GPHN: variants seen among roughly 807,000 people sequenced by gnomAD.
GPHN encodes the protein gephyrin.
Under a neutral mutation model 95.5 loss-of-function variants are expected in GPHN, and 17 were observed. The observed-to-expected ratio is 0.18, with a 90% CI of 0.12 to 0.27. GPHN has a LOEUF of 0.27. GPHN is among the 10% of genes least tolerant of loss of function. GPHN has a pLI of 1.00. For missense variants in GPHN, 660 were observed against 978.1 expected, an observed-to-expected ratio of 0.67 and a Z score of 4.34; for synonymous variants, 320 against 322.5, an observed-to-expected ratio of 0.99 and a Z score of 0.08.
the GPHN span, chr14:67,727,223 G>A: frequency 2.5e-6 from 4 of 1,570,046 alleles, no homozygotes; most frequent in Non-Finnish European, 3.5e-6. Flanking sequence ...AGCAAAAATG[G>A]TCCTCAGACC....
chr14:66,932,444 G>GTTTTT (rs35159325), intron 8 of GPHN, among the ~76,000 whole-genome samples: 510 of 24,378 alleles, frequency 0.021, 175 homozygotes, highest in Middle Eastern at 0.062. Flanking sequence ...CCAAGACCAG[G>GTTTTT]TTTTTTTTTT....
chr14:67,705,537 C>T, the GPHN span, among the ~76,000 whole-genome samples: 2 of 152,252 alleles, frequency 1.3e-5, no homozygotes, highest in South Asian at 2.1e-4. Context: ...CAACTAAATG[C>T]AATGTGGGGT....
chr14:66,757,508 G>A (rs2153451064), intron 2 of GPHN, among the ~76,000 whole-genome samples: 1 of 152,252 alleles, frequency 6.6e-6, no homozygotes, highest in South Asian at 2.1e-4. Context: ...TCCTGCCTTA[G>A]CCTCCCGAGT....
chr14:67,674,827 A>C, the GPHN span: 2 of 199,750 alleles, frequency 1.0e-5, no homozygotes, highest in Non-Finnish European at 1.0e-5. Context: ...GCCGCAGCGA[A>C]AGGGGCCTAG....
At chr14:67,526,807 T>C in the GPHN span, among the ~76,000 whole-genome samples, 1 of 151,960 alleles carries the variant, frequency 6.6e-6, no homozygotes, top group Non-Finnish European at 1.5e-5. Context: ...CTGGCAGTCA[T>C]GTCCAGGGCT....
chr14:67,659,882 G>C, the GPHN span: 2 of 1,614,078 alleles, frequency 1.2e-6, no homozygotes, highest in African/African-American at 1.3e-5. Flanking sequence ...GTTTCGGAAA[G>C]ACAGGGGTGC....
the GPHN span, among the ~76,000 whole-genome samples, chr14:67,252,254 A>G: frequency 6.6e-4 from 101 of 152,202 alleles, no homozygotes; most frequent in Non-Finnish European, 3.1e-4. Context: ...CAGTGGCATG[A>G]TCATAGCTCA....
At chr14:67,344,021 G>A in the GPHN span, among the ~76,000 whole-genome samples, 1,043 of 152,258 alleles carry the variant, frequency 6.9e-3, 18 homozygotes, top group African/African-American at 0.024. Flanking sequence ...CCCTGAGTAA[G>A]GAAATCTTAA....
At chr14:66,713,305 TTTTGTGTAAGG>T (rs2069845577) in intron 2 of GPHN, among the ~76,000 whole-genome samples, 3 of 152,216 alleles carry the variant, frequency 2.0e-5, no homozygotes, top group Admixed American at 1.3e-4. Context: ...TTGATTTGAT[TTTTGTGTAAGG>T]TGAGAGATGA....
At chr14:66,722,406 A>G (rs1461584515) in intron 2 of GPHN, among the ~76,000 whole-genome samples, 3 of 151,674 alleles carry the variant, frequency 2.0e-5, no homozygotes, top group Non-Finnish European at 2.9e-5. Context: ...GAATTCTAAT[A>G]TGGCATGTGT....
rs150419762 is a variant in GPHN, at chr14:66,678,967, A to T, written c.65-2140A>T. On this transcript the variant is annotated intron_variant, in intron 1 of 22. Coordinates refer to ENST00000478722, the MANE Select transcript of GPHN (RefSeq NM_020806.5). ...TCTTTGGCTCCTAAGGGTTGTGCAC[A>T]GGCACTGGCAGTGTTAGCAGTGGGT... is the stretch of plus-strand genomic sequence containing the variant. Among the ~76,000 whole-genome samples, 415 of 152,338 alleles carry T rather than the reference A, an allele frequency of 2.7e-3. 2 individuals are homozygous for T. The highest frequency in any genetic ancestry group is 9.4e-3 in the African/African-American group (389 of 41,580).
At chr14:66,534,317 A>G (rs562642089) in intron 1 of GPHN, among the ~76,000 whole-genome samples, 5 of 152,176 alleles carry the variant, frequency 3.3e-5, no homozygotes, top group Admixed American at 2.6e-4. Flanking sequence ...GTCACTCCCA[A>G]GTAATTATTA....
chr14:67,532,372 T>A, the GPHN span, among the ~76,000 whole-genome samples: 1 of 152,202 alleles, frequency 6.6e-6, no homozygotes, highest in Non-Finnish European at 1.5e-5. Context: ...AGGCTCTGTT[T>A]TGAAGTGTGG....
At chr14:67,122,157 G>T in intron 16 of GPHN, 99 bp from the exon 17 acceptor site, 1 of 1,122,466 alleles carries the variant, frequency 8.9e-7, no homozygotes, top group Non-Finnish European at 1.4e-6. Flanking sequence ...CATTGTAGGT[G>T]CTAGATATGC....
the GPHN span, among the ~76,000 whole-genome samples, chr14:67,522,208 T>C: frequency 0.014 from 2,095 of 152,216 alleles, 56 homozygotes; most frequent in African/African-American, 0.048. Flanking sequence ...GGAAAGAAAG[T>C]TGGGGATTGT....
At chr14:66,508,673 C>T (rs1327763854) in intron 1 of GPHN, 82 bp downstream of exon 1, 1 of 1,235,576 alleles carries the variant, frequency 8.1e-7, no homozygotes, top group Non-Finnish European at 1.2e-6. Context: ...TGGCCCTTCT[C>T]TGCGGCCTCG....
the GPHN span, among the ~76,000 whole-genome samples, chr14:67,322,568 A>T: frequency 2.6e-5 from 4 of 152,194 alleles, no homozygotes; most frequent in Non-Finnish European, 5.9e-5. Context: ...CTATTCTAAA[A>T]TAGTAATTAG....
the GPHN span, among the ~76,000 whole-genome samples, chr14:67,220,398 A>G: frequency 2.6e-5 from 4 of 152,054 alleles, no homozygotes; most frequent in African/African-American, 9.7e-5. Flanking sequence ...GCCATGATAG[A>G]GCCACTGCAC....
At chr14:67,166,014 G>A (rs1230034769) in intron 20 of GPHN, among the ~76,000 whole-genome samples, 1 of 152,034 alleles carries the variant, frequency 6.6e-6, no homozygotes, top group Non-Finnish European at 1.5e-5. Context: ...TTTTGGCACA[G>A]ATTCCTTTAG....
Sources: allele counts gnomAD v4.1 joint callset (sites outside exome capture counted in the v4.1 genomes callset), GRCh38; gene constraint gnomAD v4.1.1; transcripts MANE v1.5; gene names NCBI Gene and HGNC (gene_info 2026-07-23, HGNC 2026-07-21).